NKTR: variants seen among roughly 807,000 people sequenced by gnomAD.
The protein encoded by NKTR is natural killer cell triggering receptor, also known as NK-tumor recognition protein.
NKTR carries 67 observed loss-of-function variants against 156.3 expected under a neutral mutation model. The observed-to-expected ratio is 0.43, with a 90% CI of 0.35 to 0.53. The LOEUF is 0.53. Among genes scored for constraint, NKTR ranks in the 20% least tolerant of loss-of-function variants. The pLI is 0.01. For synonymous variants in NKTR, 640 were observed against 596.6 expected, an observed-to-expected ratio of 1.07 and a Z score of -1.06; for missense variants, 1,604 against 1,730.9, an observed-to-expected ratio of 0.93 and a Z score of 1.30.
In NKTR at chr3:42,639,218, C is replaced by A. The variant is rs770135672; in HGVS notation, c.3514C>A (p.Gln1172Lys). 2.5e-6 allele frequency: 4 copies of A among 1,614,168 alleles called. No homozygotes were observed. In the South Asian group the frequency reaches 4.4e-5, roughly 18 times the overall value. Residue 1172 changes from glutamine to lysine, a missense_variant, in exon 13 of 17, where the codon CAA (glutamine) becomes AAA (lysine). Around this residue, in one of 6 missense-constraint regions of NKTR, gnomAD observed 1,255 missense variants for 1,243.7 expected, o/e 1.01. Transcript: ENST00000232978. ...LKQDMATEHPQAEVVKQESSM... is the reference protein window; with the variant it reads ...LKQDMATEHPKAEVVKQESSM... ...GCAGGATATGGCAACGGAACATCCT[C>A]AAGCAGAGGTAGTAAAACAGGAAAG...
At chr3:42,630,847 G>A (rs535550220) in intron 7 of NKTR, 92 of 1,328,284 alleles carry the variant, frequency 6.9e-5, no homozygotes, top group African/African-American at 5.4e-4. Context: ...AAAATGGGTC[G>A]GATAGTAAGC....
rs1353473946 is a variant in NKTR, at chr3:42,637,745, T to C, written c.2041T>C (p.Tyr681His). 2 of 1,613,784 alleles carry C rather than the reference T, an allele frequency of 1.2e-6. No homozygotes were observed. The highest frequency in any genetic ancestry group is 2.7e-5 in the African/African-American group (2 of 74,876). Residue 681 changes from tyrosine (Y) to histidine (H), a missense_variant, in exon 13 of 17, where the codon TAC becomes CAC. By Grantham distance (83) the Tyr-to-His change is moderately conservative. Around this residue, in one of 6 missense-constraint regions of NKTR, gnomAD observed 1,255 missense variants for 1,243.7 expected, o/e 1.01. Transcript: ENST00000232978. ...SESDQSTYSKYSDRSSESSPR... is the reference protein window; with the variant it reads ...SESDQSTYSKHSDRSSESSPR... ...AAGTGATCAGAGCACTTATTCAAAATACAGTGATAGAAGTTCAGAAAGCTC... is the reference window on the plus strand; with the variant it reads ...AAGTGATCAGAGCACTTATTCAAAACACAGTGATAGAAGTTCAGAAAGCTC...
chr3:42,601,069 G>C lies in NKTR; in HGVS notation c.58+5G>C. 1 of 1,566,484 alleles carries C rather than the reference G, an allele frequency of 6.4e-7. No individual in the cohort carries two copies. On this transcript the variant is annotated splice_donor_5th_base_variant and intron_variant, in intron 2 of 16. Transcript: ENST00000232978. ...TCGAGATCAACCGGGAGCCGGGTGA[G>C]CTGGAAACTGGGGAGCGCTGCTGGG...
At chr3:42,607,386 A>T (rs1425918194) in intron 2 of NKTR, among the ~76,000 whole-genome samples, 1 of 152,232 alleles carries the variant, frequency 6.6e-6, no homozygotes, top group African/African-American at 2.4e-5. Flanking sequence ...TGCTGTGTGC[A>T]AAGTATCCAA....
intron 5 of NKTR, chr3:42,620,246 A>T (rs2125784437): frequency 7.9e-7 from 1 of 1,261,526 alleles, no homozygotes; most frequent in Non-Finnish European, 1.0e-6. Flanking sequence ...CAGAGAAAAG[A>T]GTCTAGTTGT....
intron 9 of NKTR, chr3:42,633,169 A>T (rs1313295187): frequency 2.3e-6 from 1 of 431,748 alleles, no homozygotes; most frequent in Non-Finnish European, 3.3e-6. Context: ...CCTCCTGAGT[A>T]GCTAGGACTA....
rs201803926 is a variant in NKTR, at chr3:42,607,969, C to CTTTTTTTTTTTTTTTTTTTTTT, written c.58+6927_58+6948dup. On this transcript the variant is annotated intron_variant, in intron 2 of 16. Transcript: ENST00000232978. ...TGCCAATCGCAAGTCCTGAGTCGCT[C>CTTTTTTTTTTTTTTTTTTTTTT]TTTTTTTTTTTTTTTTTTTTTTTTT... 2.0e-4 allele frequency among the ~76,000 whole-genome samples: 15 copies of CTTTTTTTTTTTTTTTTTTTTTT among 74,970 alleles called. 3 individuals are homozygous for CTTTTTTTTTTTTTTTTTTTTTT. Among genetic ancestry groups the CTTTTTTTTTTTTTTTTTTTTTT allele is most frequent in the Non-Finnish European group, 3.5e-4 (12 of 33,916 alleles). 49.2% of individuals were successfully genotyped at this position (74,970 alleles called of 152,430 possible).
intron 3 of NKTR, 27 bp downstream of exon 3, chr3:42,617,671 A>G: frequency 7.8e-7 from 1 of 1,277,368 alleles, no homozygotes; most frequent in South Asian, 1.2e-5. Flanking sequence ...TTCCAATGAG[A>G]AGCTGTGGCT....
intron 6 of NKTR, chr3:42,627,710 A>G: frequency 1.0e-6 from 1 of 983,756 alleles, no homozygotes; most frequent in Non-Finnish European, 1.2e-6. Flanking sequence ...GGAAATGCAT[A>G]AATATTGAAA....
rs779037502 is a variant in NKTR at position 42,637,032 on chromosome 3, A to G, written c.1328A>G (p.Lys443Arg). 25 of 1,611,688 alleles carry G rather than the reference A, an allele frequency of 1.6e-5. No homozygotes were observed. The Admixed American group carries it at 4.2e-4, about 27-fold the overall frequency. Residue 443 changes from lysine (K) to arginine (R), a missense_variant, in exon 13 of 17, where the codon AAA (lysine) becomes AGA (arginine). Physicochemically the swap from Lys to Arg is conservative, Grantham distance 26 (BLOSUM62 2). This residue lies in a region of NKTR where 1,255 missense variants were observed against 1,243.7 expected (regional missense o/e 1.01). Coordinates refer to ENST00000232978, the MANE Select transcript of NKTR (RefSeq NM_005385.4). ...EKKVKHKKKG[K>R]KQKHCRRHKQ... is the part of the protein sequence containing the mutation. Reference sequence around the variant, plus strand: ...AAGGTTAAGCATAAAAAGAAAGGGAAAAAGCAGAAACACTGCAGAAGACAC... The same window carrying G: ...AAGGTTAAGCATAAAAAGAAAGGGAGAAAGCAGAAACACTGCAGAAGACAC...
At chr3:42,617,981 G>A (rs900216078) in intron 3 of NKTR, among the ~76,000 whole-genome samples, 6 of 152,034 alleles carry the variant, frequency 3.9e-5, no homozygotes, top group Non-Finnish European at 8.8e-5. Context: ...AAAAAATTTA[G>A]TATTCCAAAT....
At position 42,625,384 on chromosome 3, in the gene NKTR, C is replaced by T. The variant is rs1017506402; in HGVS notation, c.374+3868C>T. Among the ~76,000 whole-genome samples, 4 of 151,596 alleles carry T rather than the reference C, an allele frequency of 2.6e-5. No individual in the cohort carries two copies. The East Asian group carries it at 7.8e-4, about 29-fold the overall frequency. On this transcript the variant is annotated intron_variant, in intron 6 of 16. Transcript: ENST00000232978. ...GAAGAGTCAAACTTTGAACTTTAAA[C>T]AAAACATGTTTGCTACATTTTAACA...
In NKTR at chr3:42,638,314, A is replaced by G; in HGVS notation, c.2610A>G (p.Arg870=). The G allele has an allele frequency of 6.2e-7, 1 of 1,610,668 alleles. No homozygotes were observed. The highest frequency in any genetic ancestry group is 8.5e-7 in the Non-Finnish European group (1 of 1,179,140). ...AAGAGAATCTTTCTGATCACCTTAG[A>G]AATGGCAGTAAGCCCAAAAGGAAGA... ...TLKENLSDHL[R]NGSKPKRKNY... The change falls in exon 13 of 17, where the codon AGA becomes AGG. Residue 870 remains arginine, a synonymous_variant. Coordinates refer to ENST00000232978, the MANE Select transcript of NKTR (RefSeq NM_005385.4).
chr3:42,639,848 A>G (rs1235585346), intron 13 of NKTR, 98 bp downstream of exon 13: 1 of 881,478 alleles, frequency 1.1e-6, no homozygotes, highest in Non-Finnish European at 1.8e-6. Flanking sequence ...CTATTTCCAA[A>G]TATCTGAAAG....
At chr3:42,643,102 T>C (rs1710035164) in intron 14 of NKTR, among the ~76,000 whole-genome samples, 1 of 152,202 alleles carries the variant, frequency 6.6e-6, no homozygotes, top group South Asian at 2.1e-4. Context: ...CCACCCAGTT[T>C]AGAGCCTCCC....
At chr3:42,616,624 C>A (rs1707392340) in intron 2 of NKTR, among the ~76,000 whole-genome samples, 3 of 152,158 alleles carry the variant, frequency 2.0e-5, no homozygotes. Context: ...AGCCCTGAGA[C>A]CAGAGTTTGA....
At position 42,647,575 on chromosome 3, in the gene NKTR, T is replaced by C. The variant is rs1005008923; in HGVS notation, c.*1600T>C. 1 of 152,072 alleles carries C rather than the reference T, an allele frequency of 6.6e-6. No homozygotes were observed. Among genetic ancestry groups the C allele is most frequent in the Non-Finnish European group, 1.5e-5 (1 of 68,026 alleles). The allele number at this position is 152,072 out of a possible 1,614,324, so 9.4% of individuals were successfully genotyped here. On this transcript the variant is annotated 3_prime_UTR_variant, in exon 17 of 17. Transcript: ENST00000232978. ...TATGAAAACAGGGTAAGGTGGTCAG[T>C]TGTTTGCCAGGTCAATAGACAGAAA...
intron 8 of NKTR, among the ~76,000 whole-genome samples, chr3:42,632,363 A>C (rs985258263): frequency 2.0e-5 from 3 of 152,018 alleles, no homozygotes; most frequent in Non-Finnish European, 4.4e-5. Context: ...GAGTCACTGC[A>C]CCGGGCCTAT....
intron 9 of NKTR, 26 bp downstream of exon 9, chr3:42,632,849 T>C (rs1359538396): frequency 6.7e-7 from 1 of 1,496,404 alleles, no homozygotes; most frequent in Non-Finnish European, 8.9e-7. Context: ...CAATGTACTC[T>C]TACCTAAAAA....
Sources: gnomAD v4.1 joint callset for allele counts (sites outside exome capture counted in the v4.1 genomes callset) on GRCh38, gnomAD v4.1.1 for gene constraint, gnomAD v4.1.1 regional missense constraint, MANE v1.5 for transcripts, NCBI Gene and HGNC (gene_info 2026-07-23, HGNC 2026-07-21) for gene names.